The following SNTG2 variants were observed in gnomAD, a reference collection of about 807,000 sequenced individuals.
SNTG2 encodes the protein gamma-2-syntrophin.
SNTG2 carries 74 observed loss-of-function variants against 70.9 expected under a neutral mutation model. The observed-to-expected ratio is 1.04, with a 90% CI of 0.86 to 1.27. The LOEUF is 1.27. Ranked by LOEUF, SNTG2 falls within the 50% of genes most tolerant of loss-of-function variation. The pLI, the probability that SNTG2 is intolerant of heterozygous loss-of-function variation, is 0.00. For synonymous variants in SNTG2, 278 were observed against 273.8 expected, an observed-to-expected ratio of 1.02 and a Z score of -0.15; for missense variants, 717 against 690.7, an observed-to-expected ratio of 1.04 and a Z score of -0.43.
At chr2:961,832 G>A (rs1572167062) in intron 1 of SNTG2, among the ~76,000 whole-genome samples, 1 of 152,180 alleles carries the variant, frequency 6.6e-6, no homozygotes. Context: ...AAACACACTG[G>A]TATGCACACT....
intron 1 of SNTG2, among the ~76,000 whole-genome samples, chr2:1,036,342 C>A (rs1661128268): frequency 6.6e-6 from 1 of 151,870 alleles, no homozygotes; most frequent in Non-Finnish European, 1.5e-5. Flanking sequence ...CTCTGATATT[C>A]TTTACAAGGC....
At chr2:1,134,447 G>C (rs1323539483) in intron 4 of SNTG2, among the ~76,000 whole-genome samples, 1 of 134,658 alleles carries the variant, frequency 7.4e-6, no homozygotes, top group Non-Finnish European at 1.7e-5. Context: ...TAGATACAGA[G>C]TGTCGACACA....
intron 9 of SNTG2, among the ~76,000 whole-genome samples, chr2:1,222,031 A>ATCTTTGTCTC (rs1675106974): frequency 6.7e-4 from 1 of 1,500 alleles, no homozygotes. Flanking sequence ...GTCTCTGCCT[A>ATCTTTGTCTC]TCTCTGTCTC....
chr2:1,109,994 C>T (rs887075566), intron 4 of SNTG2, among the ~76,000 whole-genome samples: 1 of 152,188 alleles, frequency 6.6e-6, no homozygotes, highest in African/African-American at 2.4e-5. Context: ...CAGAGGCCAT[C>T]TGAGCTACAG....
chr2:1,145,729 A>G (rs957949527), intron 6 of SNTG2, among the ~76,000 whole-genome samples: 2 of 152,182 alleles, frequency 1.3e-5, no homozygotes, highest in Non-Finnish European at 2.9e-5. Flanking sequence ...ACAATACCAA[A>G]ACCAGATGAA....
intron 1 of SNTG2, among the ~76,000 whole-genome samples, chr2:955,599 A>T (rs1660113388): frequency 6.6e-6 from 1 of 152,190 alleles, no homozygotes; most frequent in Admixed American, 6.5e-5. Context: ...ATTAAATTCC[A>T]CTTCTGTAAA....
chr2:1,299,264 G>A (rs1008550052), intron 14 of SNTG2, among the ~76,000 whole-genome samples: 5 of 152,208 alleles, frequency 3.3e-5, no homozygotes, highest in African/African-American at 1.2e-4. Flanking sequence ...TCCCAGGGCT[G>A]CCCTAAGGAA....
chr2:956,807 A>T (rs1017202287), intron 1 of SNTG2, among the ~76,000 whole-genome samples: 4 of 152,238 alleles, frequency 2.6e-5, no homozygotes, highest in African/African-American at 9.6e-5. Flanking sequence ...AACTAGAGAG[A>T]AAGTTCCGTT....
intron 1 of SNTG2, among the ~76,000 whole-genome samples, chr2:954,082 A>C (rs73908613): frequency 0.039 from 5,984 of 152,196 alleles, 387 homozygotes; most frequent in African/African-American, 0.14. Flanking sequence ...CTGTTAGCTC[A>C]TGTAGCATGT....
At position 1,355,216 on chromosome 2, in the gene SNTG2, CAT is replaced by C. The variant is rs542816094; in HGVS notation, c.1489-12126_1489-12125del. The stretch of plus-strand genomic sequence containing the variant: ...TTTATGTGTGGTAACAAGCACATGA[CAT>C]GAGATTTACTCTCTTAAGTATTTAG... On this transcript the variant is annotated intron_variant, in intron 16 of 16. Transcript: ENST00000308624. Among the ~76,000 whole-genome samples the C allele has an allele frequency of 1.6e-4, 24 of 152,316 alleles. 1 individual carries two copies. The South Asian group carries it at 4.6e-3, about 29-fold the overall frequency.
chr2:963,495 G>T (rs1660424791), intron 1 of SNTG2, among the ~76,000 whole-genome samples: 1 of 152,090 alleles, frequency 6.6e-6, no homozygotes. Context: ...GGTGACCAGG[G>T]TTATCACCTA....
chr2:1,349,060 A>G (rs1313891290), intron 16 of SNTG2, among the ~76,000 whole-genome samples: 1 of 152,234 alleles, frequency 6.6e-6, no homozygotes, highest in Non-Finnish European at 1.5e-5. Flanking sequence ...CTTCCTTATG[A>G]AGAATTCAGA....
At chr2:983,023 A>ATGTCAGGATGAAGAAGCTGCAGAGGTGG (rs1179426480) in intron 1 of SNTG2, among the ~76,000 whole-genome samples, 3 of 148,008 alleles carry the variant, frequency 2.0e-5, no homozygotes, top group Admixed American at 6.7e-5. Context: ...TGCAGAGGTG[A>ATGTCAGGATGAAGAAGCTGCAGAGGTGG]TGTCAGGATG....
At chr2:1,005,655 T>G (rs577033850) in intron 1 of SNTG2, among the ~76,000 whole-genome samples, 35 of 150,688 alleles carry the variant, frequency 2.3e-4, no homozygotes, top group African/African-American at 8.0e-4. Flanking sequence ...AGTACAAAAA[T>G]TAGCCAGGCG....
chr2:1,276,023 A>T (rs867841009), intron 14 of SNTG2, among the ~76,000 whole-genome samples: 3 of 152,218 alleles, frequency 2.0e-5, no homozygotes, highest in African/African-American at 7.2e-5. Flanking sequence ...CTTCAATTCT[A>T]TGAAGGCTTA....
intron 11 of SNTG2, among the ~76,000 whole-genome samples, chr2:1,241,593 G>T (rs1677057637): frequency 1.3e-5 from 2 of 151,988 alleles, no homozygotes; most frequent in East Asian, 3.9e-4. Flanking sequence ...TTAACATTAA[G>T]TATATCTCCA....
intron 7 of SNTG2, among the ~76,000 whole-genome samples, chr2:1,168,232 C>T (rs907640699): frequency 8.2e-5 from 12 of 145,506 alleles, no homozygotes; most frequent in African/African-American, 7.6e-5. Context: ...CGCCCACAGA[C>T]GGCAGAACTG....
intron 1 of SNTG2, among the ~76,000 whole-genome samples, chr2:966,293 C>CTTATTTTACA (rs1660566308): frequency 6.6e-6 from 1 of 152,004 alleles, no homozygotes; most frequent in African/African-American, 2.4e-5. Flanking sequence ...ATTAAGAGTA[C>CTTATTTTACA]TTATTTTACA....
In SNTG2 at chr2:1,040,450, C is replaced by G. The variant is rs146665479; in HGVS notation, c.73-43068C>G. On this transcript the variant is annotated intron_variant, in intron 1 of 16. Transcript: ENST00000308624. ...TTCCCGCCACCTCTGCTTTCAGTAC[C>G]TTGCCCTGTCCAGCCCCACCTTTGC... 3.9e-5 allele frequency among the ~76,000 whole-genome samples: 6 copies of G among 152,318 alleles called. No homozygotes were observed. In the East Asian group the frequency reaches 9.7e-4, roughly 25 times the overall value.
Sources: gnomAD v4.1 joint callset for allele counts (sites outside exome capture counted in the v4.1 genomes callset) on GRCh38, gnomAD v4.1.1 for gene constraint, MANE v1.5 for transcripts, NCBI Gene and HGNC (gene_info 2026-07-23, HGNC 2026-07-21) for gene names.